The following FRMD4A variants were observed in gnomAD, a reference collection of about 807,000 sequenced individuals.
FRMD4A encodes FERM domain containing 4A, also known as FERM domain-containing protein 4A.
In FRMD4A, 29 loss-of-function variants were observed where a neutral mutation model predicts 129.1. The ratio of observed to expected loss-of-function variants is 0.22; its 90% confidence interval spans 0.17 to 0.31. FRMD4A has a LOEUF of 0.31. Among genes scored for constraint, FRMD4A ranks in the 10% least tolerant of loss-of-function variants. FRMD4A has a pLI of 1.00. For missense variants in FRMD4A, 1,272 were observed against 1,375.8 expected (o/e 0.92, Z 1.19); for synonymous variants, 634 against 571.6 (o/e 1.11, Z -1.56).
intron 2 of FRMD4A, among the ~76,000 whole-genome samples, chr10:13,901,148 A>G (rs2094815032): frequency 6.6e-6 from 1 of 152,258 alleles, no homozygotes; most frequent in Admixed American, 6.5e-5. Context: ...GTCTGATTCC[A>G]GAGCCGGTGC....
intron 2 of FRMD4A, among the ~76,000 whole-genome samples, chr10:13,907,181 A>T (rs1404522675): frequency 6.6e-6 from 1 of 152,196 alleles, no homozygotes; most frequent in Non-Finnish European, 1.5e-5. Flanking sequence ...GTCTGTAGAG[A>T]AAAATAGAAA....
At chr10:13,693,802 G>T in intron 15 of FRMD4A, 96 bp downstream of exon 15, 2 of 1,286,138 alleles carry the variant, frequency 1.6e-6, no homozygotes, top group Non-Finnish European at 2.2e-6. Flanking sequence ...AGCTTGCCCT[G>T]CAGTCTCCCC....
chr10:13,832,738 G>A (rs2093810433), intron 3 of FRMD4A, among the ~76,000 whole-genome samples: 1 of 152,052 alleles, frequency 6.6e-6, no homozygotes, highest in African/African-American at 2.4e-5. Flanking sequence ...GGGGTAGGTG[G>A]GAGTGATCCT....
At position 14,200,318 on chromosome 10, in the gene FRMD4A, C is replaced by T. The variant is rs371956822; in HGVS notation, c.45+129740G>A. 4.8e-5 allele frequency among the ~76,000 whole-genome samples: 7 copies of T among 146,826 alleles called. No individual in the cohort carries two copies. The East Asian group carries it at 1.4e-3, about 29-fold the overall frequency. On this transcript the variant is annotated intron_variant, in intron 2 of 24. Coordinates refer to ENST00000357447, the MANE Select transcript of FRMD4A (RefSeq NM_018027.5). ...TAATTTCTTATTTTTTTGAGACAGACTCTCACTCTGTCACACCCAGGCTGG... is the reference window on the plus strand; with the variant it reads ...TAATTTCTTATTTTTTTGAGACAGATTCTCACTCTGTCACACCCAGGCTGG...
At chr10:14,077,390 TG>T (rs1215390722) in intron 2 of FRMD4A, among the ~76,000 whole-genome samples, 4 of 152,190 alleles carry the variant, frequency 2.6e-5, no homozygotes, top group Admixed American at 6.5e-5. Context: ...CTTGGAGCTT[TG>T]GTTTTCTCAT....
intron 2 of FRMD4A, among the ~76,000 whole-genome samples, chr10:14,254,468 T>G (rs972593622): frequency 6.6e-6 from 1 of 152,130 alleles, no homozygotes; most frequent in East Asian, 1.9e-4. Context: ...TCTTGGCTCT[T>G]CCTCACCAGC....
intron 2 of FRMD4A, among the ~76,000 whole-genome samples, chr10:14,120,570 G>A (rs1838449343): frequency 6.6e-6 from 1 of 152,194 alleles, no homozygotes; most frequent in Admixed American, 6.5e-5. Context: ...TGAACAATGT[G>A]AGCTAAACGT....
intron 13 of FRMD4A, among the ~76,000 whole-genome samples, chr10:13,702,147 C>T (rs2086894355): frequency 6.6e-6 from 1 of 152,192 alleles, no homozygotes; most frequent in Non-Finnish European, 1.5e-5. Context: ...TCTCAGCTCA[C>T]TGCAACCTCC....
chr10:13,952,876 A>C (rs561158072), intron 2 of FRMD4A, among the ~76,000 whole-genome samples: 70 of 151,620 alleles, frequency 4.6e-4, no homozygotes, highest in African/African-American at 1.6e-3. Context: ...TCGTATTTTT[A>C]GTAGAGAAGG....
intron 2 of FRMD4A, among the ~76,000 whole-genome samples, chr10:14,315,350 G>T (rs1384813605): frequency 6.6e-6 from 1 of 152,148 alleles, no homozygotes; most frequent in Non-Finnish European, 1.5e-5. Context: ...CCAAAAAAAA[G>T]ATATCATTAG....
At chr10:14,061,766 G>A (rs1042889598) in intron 2 of FRMD4A, among the ~76,000 whole-genome samples, 3 of 152,174 alleles carry the variant, frequency 2.0e-5, no homozygotes, top group Non-Finnish European at 2.9e-5. Flanking sequence ...GCATTGTCAC[G>A]TGGTACCTGG....
chr10:14,012,345 T>A (rs562391161), intron 2 of FRMD4A, among the ~76,000 whole-genome samples: 18 of 152,184 alleles, frequency 1.2e-4, no homozygotes, highest in Non-Finnish European at 2.5e-4. Flanking sequence ...CCTTCCAGTC[T>A]CAATGAAAAT....
rs571095039 is a variant in FRMD4A, at chr10:14,084,979, A to G, written c.46-226067T>C. On this transcript the variant is annotated intron_variant, in intron 2 of 24. Coordinates refer to ENST00000357447, the MANE Select transcript of FRMD4A (RefSeq NM_018027.5). Reference sequence around the variant, plus strand: ...TTGTCAATAACAAACTATTTTTTCAATGGTAATGATCCCCTGATCTGTTGA... The same window carrying G: ...TTGTCAATAACAAACTATTTTTTCAGTGGTAATGATCCCCTGATCTGTTGA... 1.7e-3 allele frequency among the ~76,000 whole-genome samples: 252 copies of G among 152,194 alleles called. 1 individual carries two copies. Among genetic ancestry groups the G allele is most frequent in the Non-Finnish European group, 1.7e-3 (117 of 68,002 alleles).
intron 2 of FRMD4A, among the ~76,000 whole-genome samples, chr10:13,906,815 T>C (rs2094887013): frequency 6.6e-6 from 1 of 152,202 alleles, no homozygotes; most frequent in Non-Finnish European, 1.5e-5. Context: ...TTCGCCCTGC[T>C]CGTGTGTGAA....
chr10:13,827,834 G>T (rs964369194), intron 3 of FRMD4A, among the ~76,000 whole-genome samples: 1 of 152,208 alleles, frequency 6.6e-6, no homozygotes, highest in South Asian at 2.1e-4. Flanking sequence ...GGAGGAGGGA[G>T]AAGGGGCCCC....
intron 2 of FRMD4A, among the ~76,000 whole-genome samples, chr10:14,038,402 T>C (rs1422391271): frequency 6.6e-6 from 1 of 152,236 alleles, no homozygotes; most frequent in African/African-American, 2.4e-5. Context: ...TATGTATCTC[T>C]GTATTGTATA....
At chr10:14,057,170 G>C (rs1043047481) in intron 2 of FRMD4A, among the ~76,000 whole-genome samples, 4 of 152,192 alleles carry the variant, frequency 2.6e-5, no homozygotes, top group Admixed American at 2.6e-4. Flanking sequence ...GTTATGTAAT[G>C]TAATATTGTC....
intron 2 of FRMD4A, among the ~76,000 whole-genome samples, chr10:14,325,359 C>A (rs142924874): frequency 4.3e-4 from 65 of 152,304 alleles, no homozygotes; most frequent in Non-Finnish European, 7.9e-4. Flanking sequence ...CCTTTCTGAT[C>A]TTGCAACCCT....
Position 14,185,888 on chromosome 10 carries a change from G to A in FRMD4A, c.45+144170C>T, listed in dbSNP as rs1265930359. Among the ~76,000 whole-genome samples, 3 of 152,170 alleles carry A rather than the reference G, an allele frequency of 2.0e-5. No homozygotes were observed. The East Asian group carries it at 5.8e-4, about 29-fold the overall frequency. ...GTTAGAGTGAGATAAAGTGGTAACA[G>A]CAACAGGGCAGAGAGAGACTGGGCA... is the stretch of plus-strand genomic sequence containing the variant. On this transcript the variant is annotated intron_variant, in intron 2 of 24. Coordinates refer to ENST00000357447, the MANE Select transcript of FRMD4A (RefSeq NM_018027.5).
Sources: gnomAD v4.1 joint callset for allele counts (sites outside exome capture counted in the v4.1 genomes callset) on GRCh38, gnomAD v4.1.1 for gene constraint, MANE v1.5 for transcripts, NCBI Gene and HGNC (gene_info 2026-07-23, HGNC 2026-07-21) for gene names.